ZBTB7C: variants seen among roughly 807,000 people sequenced by gnomAD.
The protein encoded by ZBTB7C is zinc finger and BTB domain containing 7C.
ZBTB7C carries 8 observed loss-of-function variants against 25.7 expected under a neutral mutation model. The ratio of observed to expected loss-of-function variants is 0.31; its 90% CI spans 0.18 to 0.56. ZBTB7C has a LOEUF of 0.56. Ranked by LOEUF, ZBTB7C falls within the 20% of genes least tolerant of loss-of-function variation. The pLI is 0.91. For synonymous variants in ZBTB7C, 394 were observed against 369.0 expected (o/e 1.07, Z -0.78); for missense variants, 824 against 855.2 (o/e 0.96, Z 0.46).
chr18:48,366,146 T>G (rs1010657639), intron 1 of ZBTB7C, among the ~76,000 whole-genome samples: 5 of 152,182 alleles, frequency 3.3e-5, no homozygotes. Context: ...CCAGCTGCCA[T>G]CTGCAATTTG....
chr18:48,118,023 T>C (rs1464976002), intron 3 of ZBTB7C, among the ~76,000 whole-genome samples: 3 of 147,396 alleles, frequency 2.0e-5, no homozygotes, highest in Admixed American at 6.8e-5. Flanking sequence ...TTTTTTTTAC[T>C]GAGGCAGAGT....
At chr18:48,227,058 A>AAAAAT (rs1307706350) in intron 2 of ZBTB7C, among the ~76,000 whole-genome samples, 2 of 151,844 alleles carry the variant, frequency 1.3e-5, no homozygotes, top group Non-Finnish European at 2.9e-5. Context: ...AAAGAAAAAA[A>AAAAAT]AAAGAGTTAG....
chr18:48,335,005 A>G (rs371153282), intron 2 of ZBTB7C, among the ~76,000 whole-genome samples: 37 of 152,306 alleles, frequency 2.4e-4, no homozygotes, highest in African/African-American at 8.7e-4. Context: ...CCTGTGGCAG[A>G]GCTGGCATAG....
chr18:48,245,380 C>T (rs1337604385), intron 2 of ZBTB7C, among the ~76,000 whole-genome samples: 1 of 150,696 alleles, frequency 6.6e-6, no homozygotes, highest in Non-Finnish European at 1.5e-5. Context: ...GTACACTGCT[C>T]AGGTGATGGG....
intron 3 of ZBTB7C, among the ~76,000 whole-genome samples, chr18:48,155,773 C>T (rs1324324969): frequency 6.6e-6 from 1 of 152,150 alleles, no homozygotes; most frequent in African/African-American, 2.4e-5. Context: ...ATATTTCACT[C>T]CTCTGGGCAG....
intron 3 of ZBTB7C, among the ~76,000 whole-genome samples, chr18:48,052,568 A>G (rs1248387185): frequency 6.6e-6 from 1 of 152,176 alleles, no homozygotes; most frequent in Non-Finnish European, 1.5e-5. Flanking sequence ...TACACCAGGC[A>G]GAAAGGAAAG....
At chr18:48,167,919 G>A (rs972793462) in intron 3 of ZBTB7C, among the ~76,000 whole-genome samples, 5 of 152,214 alleles carry the variant, frequency 3.3e-5, no homozygotes, top group African/African-American at 1.2e-4. Context: ...TCGGATAAAG[G>A]TGCCTGCCCA....
chr18:48,039,282 T>C (rs2036111756), intron 4 of ZBTB7C, among the ~76,000 whole-genome samples: 2 of 152,194 alleles, frequency 1.3e-5, no homozygotes, highest in Non-Finnish European at 2.9e-5. Flanking sequence ...TGCAGTCTAC[T>C]GGTCACCGGC....
At position 48,102,259 on chromosome 18, in the gene ZBTB7C, C is replaced by G. The variant is rs530509652; in HGVS notation, c.-16-61136G>C. Among the ~76,000 whole-genome samples the G allele has an allele frequency of 1.2e-3, 178 of 152,212 alleles. 1 individual carries two copies. The highest frequency in any genetic ancestry group is 4.3e-3 in the African/African-American group (177 of 41,524). Reference sequence around the variant, plus strand: ...CTGGGAGATGCTCAGTAAACACTGGCTGAAAGAATTAGCTAACCTAACGGC... The same window carrying G: ...CTGGGAGATGCTCAGTAAACACTGGGTGAAAGAATTAGCTAACCTAACGGC... On this transcript the variant is annotated intron_variant, in intron 3 of 4. Coordinates refer to ENST00000590800, the MANE Select transcript of ZBTB7C (RefSeq NM_001318841.2).
intron 2 of ZBTB7C, among the ~76,000 whole-genome samples, chr18:48,331,545 G>A (rs781723795): frequency 3.3e-5 from 5 of 152,068 alleles, no homozygotes; most frequent in Admixed American, 6.5e-5. Flanking sequence ...ATAATTTTGG[G>A]GCACACTGCA....
At chr18:48,204,749 T>C (rs2042539049) in intron 2 of ZBTB7C, among the ~76,000 whole-genome samples, 1 of 152,094 alleles carries the variant, frequency 6.6e-6, no homozygotes, top group Non-Finnish European at 1.5e-5. Context: ...GACCCACTCC[T>C]CAGTACCAAT....
intron 2 of ZBTB7C, among the ~76,000 whole-genome samples, chr18:48,227,194 C>T (rs2043125590): frequency 1.3e-5 from 2 of 152,210 alleles, no homozygotes; most frequent in Admixed American, 6.5e-5. Context: ...GGACAAGCAT[C>T]CACGAACTGA....
chr18:48,282,120 A>G (rs915963252), intron 2 of ZBTB7C, among the ~76,000 whole-genome samples: 1 of 151,222 alleles, frequency 6.6e-6, no homozygotes, highest in African/African-American at 2.4e-5. Context: ...ACCATGGAAT[A>G]CTATGCAGCC....
At position 48,131,478 on chromosome 18, in the gene ZBTB7C, T is replaced by G. The variant is rs1013914925; in HGVS notation, c.-17+54456A>C. On this transcript the variant is annotated intron_variant, in intron 3 of 4. Transcript: ENST00000590800. ...CTAATGAAAGGATAGTTGTTTTTTT[T>G]TTTGTGTGTAATGTTTGGTAGTCTT... is the stretch of plus-strand genomic sequence containing the variant. Among the ~76,000 whole-genome samples, 13 of 152,312 alleles carry G rather than the reference T, an allele frequency of 8.5e-5. No individual in the cohort carries two copies. In the East Asian group the frequency reaches 9.6e-4, roughly 11 times the overall value.
chr18:48,035,804 C>G (rs574813880), intron 4 of ZBTB7C, among the ~76,000 whole-genome samples: 1 of 152,328 alleles, frequency 6.6e-6, no homozygotes, highest in East Asian at 1.9e-4. Flanking sequence ...CTCCTGGCTT[C>G]CAGACTTTCT....
chr18:48,084,136 C>T (rs563209578), intron 3 of ZBTB7C, among the ~76,000 whole-genome samples: 68 of 152,282 alleles, frequency 4.5e-4, no homozygotes, highest in Middle Eastern at 6.8e-3. Context: ...AGGAAGGAAG[C>T]AGTGGGGCAC....
intron 3 of ZBTB7C, chr18:48,150,771 T>C (rs2040652408): frequency 6.6e-6 from 1 of 152,118 alleles, no homozygotes; most frequent in Non-Finnish European, 1.5e-5. Flanking sequence ...AGCAGTGAGT[T>C]CTAGGACAAA....
In ZBTB7C at chr18:48,273,838, T is replaced by C. The variant is rs566938803; in HGVS notation, c.-79+64336A>G. Among the ~76,000 whole-genome samples the C allele has an allele frequency of 6.6e-5, 10 of 152,190 alleles. No homozygotes were observed. In the South Asian group the frequency reaches 2.1e-3, roughly 32 times the overall value. ...CAAAATATTAAGTGGTTTTCTAGAG[T>C]AGTGAAAATATGAGTGATTTTTTAT... On this transcript the variant is annotated intron_variant, in intron 2 of 4. Coordinates refer to ENST00000590800, the MANE Select transcript of ZBTB7C (RefSeq NM_001318841.2).
At chr18:48,300,161 G>C (rs1315990551) in intron 2 of ZBTB7C, among the ~76,000 whole-genome samples, 4 of 152,168 alleles carry the variant, frequency 2.6e-5, no homozygotes, top group African/African-American at 4.8e-5. Context: ...TCATGAAGAT[G>C]CCTGAGCCCC....
Sources: gnomAD v4.1 joint callset for allele counts (sites outside exome capture counted in the v4.1 genomes callset) on GRCh38, gnomAD v4.1.1 for gene constraint, MANE v1.5 for transcripts, NCBI Gene and HGNC (gene_info 2026-07-23, HGNC 2026-07-21) for gene names.